The following MAF1 variants were observed in gnomAD, a reference collection of about 807,000 sequenced individuals.
The protein encoded by MAF1 is repressor of RNA polymerase III transcription MAF1 homolog.
MAF1 carries 7 observed loss-of-function variants against 31.9 expected under a neutral mutation model. The ratio of observed to expected loss-of-function variants is 0.22; its 90% CI spans 0.12 to 0.41. The LOEUF is 0.41. Among genes scored for constraint, MAF1 ranks in the 10% least tolerant of loss-of-function variants. The pLI, the probability that MAF1 is intolerant of heterozygous loss-of-function variation, is 1.00. For missense variants in MAF1, 221 were observed against 323.1 expected (o/e 0.68, Z 2.42); for synonymous variants, 157 against 120.0 (o/e 1.31, Z -2.02).
intron 1 of MAF1, 65 bp from the exon 2 acceptor site, chr8:144,105,575 G>C: frequency 1.1e-6 from 1 of 948,898 alleles, no homozygotes; most frequent in Non-Finnish European, 1.7e-6. Flanking sequence ...TAGTGGGTAG[G>C]AGGGCTGAAG....
Position 144,106,391 on chromosome 8 carries a change from T to G in MAF1, c.427T>G (p.Phe143Val). 6.2e-7 allele frequency: 1 copy of G among 1,613,980 alleles called. No individual in the cohort carries two copies. The highest frequency in any genetic ancestry group is 8.5e-7 in the Non-Finnish European group (1 of 1,180,018). Residue 143 changes from phenylalanine (F) to valine (V), a missense_variant, in exon 5 of 8, where the codon TTC (phenylalanine) becomes GTC (valine). Physicochemically the swap from Phe to Val is conservative, Grantham distance 50. This residue lies in a region of MAF1 where 146 missense variants were observed against 263.1 expected (regional missense o/e 0.56). Transcript: ENST00000322428. ...TCTGTTCTCAGCTGTGCGGGAGGAC[T>G]TCAAGGATCTGAAACCACAGCTGTG... ...CSLFSAVRED[F>V]KDLKPQLWNA...
In MAF1 at chr8:144,106,680, C is replaced by G. The variant is rs945467836; in HGVS notation, c.620+6C>G. 1 of 1,610,680 alleles carries G rather than the reference C, an allele frequency of 6.2e-7. No homozygotes were observed. Among genetic ancestry groups the G allele is most frequent in the African/African-American group, 1.3e-5 (1 of 74,862 alleles). ...TTTAGCTGCCGTTCCATCAGGTGGG[C>G]ACCCCCCGCCTCCTCCCCCACCTCC... On this transcript the variant is annotated splice_donor_region_variant and intron_variant, in intron 6 of 7. Coordinates refer to ENST00000322428, the MANE Select transcript of MAF1 (RefSeq NM_032272.5).
intron 7 of MAF1, 50 bp from the exon 8 acceptor site, chr8:144,107,037 TG>T (rs762104638): frequency 3.8e-6 from 6 of 1,563,514 alleles, no homozygotes; most frequent in Non-Finnish European, 5.2e-6. Flanking sequence ...CTCCTCTACT[TG>T]GTCTAAGTGG....
intron 1 of MAF1, 115 bp from the exon 2 acceptor site, chr8:144,105,524 TG>T: frequency 1.6e-6 from 1 of 636,634 alleles, no homozygotes; most frequent in Non-Finnish European, 2.8e-6. Flanking sequence ...ATGTGCAGCC[TG>T]GACAGAGGCC....
Position 144,106,642 on chromosome 8 carries a change from G to A in MAF1, c.588G>A (p.Lys196=). 6.2e-7 allele frequency: 1 copy of A among 1,613,780 alleles called. No homozygotes were observed. The highest frequency in any genetic ancestry group is 1.1e-5 in the South Asian group (1 of 91,086). ...FNYFFYNKRL[K]RIVFFSCRSI... ...ACTTCTTCTACAACAAGCGGCTCAA[G>A]CGAATCGTCTTCTTTAGCTGCCGTT... The change falls in exon 6 of 8, where the codon AAG becomes AAA. Residue 196 remains lysine, a synonymous_variant. Coordinates refer to ENST00000322428, the MANE Select transcript of MAF1 (RefSeq NM_032272.5).
chr8:144,106,051 C>A (rs747550327), intron 3 of MAF1, 25 bp from the exon 4 acceptor site: 3 of 1,613,518 alleles, frequency 1.9e-6, no homozygotes, highest in Admixed American at 3.3e-5. Context: ...GGTGATGGGC[C>A]CAGCTGATGG....
Position 144,107,068 on chromosome 8 carries a change from G to T in MAF1, c.750-20G>T. Reference sequence around the variant, plus strand: ...AAGTGGTGGCTCCTGAAGGCCCACTGTGTGCCAACCTCCGCCCAGGGTCCC... The same window carrying T: ...AAGTGGTGGCTCCTGAAGGCCCACTTTGTGCCAACCTCCGCCCAGGGTCCC... On this transcript the variant is annotated intron_variant, in intron 7 of 7. Transcript: ENST00000322428. The T allele has an allele frequency of 1.3e-6, 2 of 1,573,814 alleles. No individual in the cohort carries two copies. Among genetic ancestry groups the T allele is most frequent in the Non-Finnish European group, 1.7e-6 (2 of 1,159,668 alleles).
At position 144,106,761 on chromosome 8, in the gene MAF1, C is replaced by T. The variant is rs997765288; in HGVS notation, c.621-74C>T. 20 of 1,569,902 alleles carry T rather than the reference C, an allele frequency of 1.3e-5. No individual in the cohort carries two copies. In the African/African-American group the frequency reaches 2.4e-4, roughly 19 times the overall value. On this transcript the variant is annotated intron_variant, in intron 6 of 7. Coordinates refer to ENST00000322428, the MANE Select transcript of MAF1 (RefSeq NM_032272.5). ...GCCATCTCCACCCAGCTTTGCCCTC[C>T]CTGAACATCCTCCCTGGGGCCAGCA... is the stretch of plus-strand genomic sequence containing the variant.
At position 144,105,635 on chromosome 8, in the gene MAF1, C is replaced by G; in HGVS notation, c.-44-5C>G. The G allele has an allele frequency of 6.5e-7, 1 of 1,548,914 alleles. No individual in the cohort carries two copies. Among genetic ancestry groups the G allele is most frequent in the African/African-American group, 1.4e-5 (1 of 73,760 alleles). On this transcript the variant is annotated splice_region_variant and splice_polypyrimidine_tract_variant and intron_variant, in intron 1 of 7. Transcript: ENST00000322428. ...ATACCCATGGTCTGGTCTCTCACTC[C>G]CCAGGCAATACTAGCCCCTCTGGAG...
Position 144,106,841 on chromosome 8 carries a change from C to T in MAF1, c.627C>T (p.Ser209=), listed in dbSNP as rs1836424098. The T allele has an allele frequency of 3.9e-6, 6 of 1,532,484 alleles. No individual in the cohort carries two copies. Among genetic ancestry groups the T allele is most frequent in the Non-Finnish European group, 5.3e-6 (6 of 1,141,596 alleles). 94.9% of individuals were successfully genotyped at this position (1,532,484 alleles called of 1,614,324 possible). ...VFFSCRSISG[S]TYTPSEAGNE... ...TTTCCCTGCCTCCCCTCAGTGGCTCCACCTACACACCCTCAGAGGCAGGCA... is the reference window on the plus strand; with the variant it reads ...TTTCCCTGCCTCCCCTCAGTGGCTCTACCTACACACCCTCAGAGGCAGGCA... Residue 209 remains serine, a synonymous_variant, in exon 7 of 8, where the codon TCC becomes TCT. Coordinates refer to ENST00000322428, the MANE Select transcript of MAF1 (RefSeq NM_032272.5).
In MAF1 at chr8:144,105,678, A is replaced by G; in HGVS notation, c.-6A>G. On this transcript the variant is annotated 5_prime_UTR_variant, in exon 2 of 8. Coordinates refer to ENST00000322428, the MANE Select transcript of MAF1 (RefSeq NM_032272.5). ...CTCTGGAGCACGGAGCTCCTTCCCCAAAGACATGAAGCTATTGGAGAACTC... is the reference window on the plus strand; with the variant it reads ...CTCTGGAGCACGGAGCTCCTTCCCCGAAGACATGAAGCTATTGGAGAACTC... 1 of 1,613,236 alleles carries G rather than the reference A, an allele frequency of 6.2e-7. No individual in the cohort carries two copies. The highest frequency in any genetic ancestry group is 8.5e-7 in the Non-Finnish European group (1 of 1,179,836).
chr8:144,106,989 G>A, intron 7 of MAF1, 26 bp downstream of exon 7: 1 of 1,546,918 alleles, frequency 6.5e-7, no homozygotes, highest in Non-Finnish European at 8.7e-7. Context: ...CATGACCCGG[G>A]TCCTTGAAGC....
Position 144,104,658 on chromosome 8 carries a change from G to C in MAF1, c.-245G>C, listed in dbSNP as rs1426313905. On this transcript the variant is annotated 5_prime_UTR_variant, in exon 1 of 8. Transcript: ENST00000322428. ...GTGGCAGCCCGGATGGGCCGGCAGG[G>C]CCGGGAGTAACGGGACGTCGCCGCG... is the stretch of plus-strand genomic sequence containing the variant. 2 of 152,268 alleles carry C rather than the reference G, an allele frequency of 1.3e-5. No individual in the cohort carries two copies. The highest frequency in any genetic ancestry group is 4.8e-5 in the African/African-American group (2 of 41,464). The allele number at this position is 152,268 out of a possible 1,614,324, so 9.4% of individuals were successfully genotyped here. A position where few individuals can be genotyped will look rare whatever the true frequency, so the allele number is the denominator to read the frequency against.
In MAF1 at chr8:144,106,066, G is replaced by A; in HGVS notation, c.213-10G>A. 1.9e-6 allele frequency: 3 copies of A among 1,613,670 alleles called. No individual in the cohort carries two copies. Among genetic ancestry groups the A allele is most frequent in the Non-Finnish European group, 2.5e-6 (3 of 1,180,030 alleles). On this transcript the variant is annotated splice_polypyrimidine_tract_variant and intron_variant, in intron 3 of 7. Coordinates refer to ENST00000322428, the MANE Select transcript of MAF1 (RefSeq NM_032272.5). ...GGTGATGGGCCCAGCTGATGGTTCT[G>A]TCTGTGCAGACTCAGCAAAAGCCAA... is the stretch of plus-strand genomic sequence containing the variant.
chr8:144,105,435 C>G (rs558294828), intron 1 of MAF1: 2 of 554,538 alleles, frequency 3.6e-6, no homozygotes, highest in Non-Finnish European at 6.5e-6. Flanking sequence ...TATGGCTGAC[C>G]TGGAGCCTGG....
intron 7 of MAF1, 57 bp downstream of exon 7, chr8:144,107,020 T>C (rs1587620096): frequency 6.4e-7 from 1 of 1,556,856 alleles, no homozygotes; most frequent in Admixed American, 1.9e-5. Context: ...TACAACAGGG[T>C]GGGGGCCTCC....
At position 144,105,832 on chromosome 8, in the gene MAF1, G is replaced by A. The variant is rs779681158; in HGVS notation, c.84-37G>A. 4 of 1,612,900 alleles carry A rather than the reference G, an allele frequency of 2.5e-6. No homozygotes were observed. The South Asian group carries it at 3.3e-5, about 13-fold the overall frequency. On this transcript the variant is annotated intron_variant, in intron 2 of 7. Coordinates refer to ENST00000322428, the MANE Select transcript of MAF1 (RefSeq NM_032272.5). ...TGCCGCGCCCTTCAGTGGAACCTGG[G>A]GGAAGCATGCTTCATGGTTCTCTCT...
rs770504705 is a variant in MAF1, at chr8:144,106,603, C to T, written c.549C>T (p.Leu183=). 10 of 1,613,816 alleles carry T rather than the reference C, an allele frequency of 6.2e-6. No individual in the cohort carries two copies. The Admixed American group carries it at 1.3e-4, about 22-fold the overall frequency. ...ATCCCTTCGGGGAGGATGGTAGCCT[C>T]TGGTCCTTCAACTACTTCTTCTACA... ...DSDPFGEDGS[L]WSFNYFFYNK... Residue 183 remains leucine (L), a synonymous_variant, in exon 6 of 8, where the codon CTC becomes CTT. Transcript: ENST00000322428.
intron 7 of MAF1, 26 bp downstream of exon 7, chr8:144,106,989 G>T: frequency 6.5e-7 from 1 of 1,546,920 alleles, no homozygotes; most frequent in East Asian, 2.4e-5. Context: ...CATGACCCGG[G>T]TCCTTGAAGC....
Sources: gnomAD v4.1 joint callset for allele counts on GRCh38, gnomAD v4.1.1 for gene constraint, gnomAD v4.1.1 regional missense constraint, MANE v1.5 for transcripts, NCBI Gene and HGNC (gene_info 2026-07-23, HGNC 2026-07-21) for gene names.